Variants in ZNF500 observed in about 807,000 individuals in gnomAD.
ZNF500 encodes zinc finger protein with KRAB and SCAN domains 18.
In ZNF500, 31 loss-of-function variants were observed where a neutral mutation model predicts 30.1. That is an observed-to-expected ratio of 1.03 (90% CI 0.77 to 1.39). The LOEUF is 1.39. ZNF500 is among the 40% of genes most tolerant of loss of function. The probability of loss-of-function intolerance (pLI) is 0.00; values close to 1 mark genes in which losing one functional copy is unlikely to be tolerated. For missense variants in ZNF500, 817 were observed against 657.8 expected (o/e 1.24, Z -2.65); for synonymous variants, 392 against 282.0 (o/e 1.39, Z -3.91).
downstream of ZNF500, chr16:4,746,376 T>C (rs781464152): frequency 6.2e-7 from 1 of 1,610,802 alleles, no homozygotes; most frequent in Non-Finnish European, 8.5e-7. Context: ...TCATTTCAGA[T>C]GTGCCTCAAG....
chr16:4,752,367 GC>G lies in ZNF500; in HGVS notation c.*8del. 1.4e-6 allele frequency: 2 copies of G among 1,477,574 alleles called. No homozygotes were observed. The highest frequency in any genetic ancestry group is 1.8e-6 in the Non-Finnish European group (2 of 1,117,264). The allele number at this position is 1,477,574 out of a possible 1,614,324, so 91.5% of individuals were successfully genotyped here. ...GAGAGTCCTGGAAAGGGAGTTTCAG[GC>G]CTGGTGATCAGGCTTTGGCACCGGG... On this transcript the variant is annotated 3_prime_UTR_variant, in exon 6 of 6. Coordinates refer to ENST00000219478, the MANE Select transcript of ZNF500 (RefSeq NM_021646.4).
chr16:4,762,794 A>C, intron 2 of ZNF500, 38 bp from the exon 3 acceptor site: 4 of 1,542,960 alleles, frequency 2.6e-6, no homozygotes, highest in Non-Finnish European at 3.5e-6. Context: ...AGCTCCCAGA[A>C]GGCCAGAAGG....
In ZNF500 at chr16:4,752,838, G is replaced by GC. The variant is rs2082098355; in HGVS notation, c.980dup (p.Cys327TrpfsTer37). ...TGCTGAAGCCTTTGCCACATTCGGG[G>GC]CAGGTGTACGGCTTGTCAGCCCCAT... On this transcript the variant is annotated frameshift_variant, in exon 6 of 6. Transcript: ENST00000219478. LOFTEE classifies it low-confidence loss of function (END_TRUNC). 1 of 1,614,128 alleles carries GC rather than the reference G, an allele frequency of 6.2e-7. No individual in the cohort carries two copies. The highest frequency in any genetic ancestry group is 1.3e-5 in the African/African-American group (1 of 74,956).
rs191011256 is a variant in ZNF500, at chr16:4,762,416, C to A, written c.599-81G>T. ...CGTCCCCTGCACACCAAGGCCCCAA[C>A]AGCCCGGCGGCTGCCCACCCAAGAT... On this transcript the variant is annotated intron_variant, in intron 3 of 5. Transcript: ENST00000219478. The A allele has an allele frequency of 1.6e-4, 240 of 1,529,988 alleles. 2 individuals carry two copies. The African/African-American group carries it at 2.1e-3, about 13-fold the overall frequency. 94.8% of individuals were successfully genotyped at this position (1,529,988 alleles called of 1,614,324 possible).
At chr16:4,759,987 C>A (rs1431233544) in intron 5 of ZNF500, among the ~76,000 whole-genome samples, 1 of 152,108 alleles carries the variant, frequency 6.6e-6, no homozygotes, top group Admixed American at 6.6e-5. Context: ...TGCAGTGAGC[C>A]AAGGTTGTGC....
At position 4,749,769 on chromosome 16, in the gene ZNF500, T is replaced by C. The variant is rs2082061080; in HGVS notation, c.*2607A>G. 1.3e-5 allele frequency: 2 copies of C among 152,234 alleles called. No homozygotes were observed. The highest frequency in any genetic ancestry group is 1.3e-4 in the Admixed American group (2 of 15,262). 9.4% of individuals were successfully genotyped at this position (152,234 alleles called of 1,614,324 possible). A position where few individuals can be genotyped will look rare whatever the true frequency, so the allele number is the denominator to read the frequency against. The stretch of plus-strand genomic sequence containing the variant: ...TGGAGGTTGTGGTGAGCCAAGATCG[T>C]GCCTTGCACTCCAGCCTGGGTAATG... On this transcript the variant is annotated 3_prime_UTR_variant, in exon 6 of 6. Transcript: ENST00000219478.
chr16:4,754,548 C>A (rs1253522449), intron 5 of ZNF500, among the ~76,000 whole-genome samples: 1 of 151,518 alleles, frequency 6.6e-6, no homozygotes, highest in African/African-American at 2.4e-5. Context: ...CCTGTAATCC[C>A]AGCTACTTGG....
chr16:4,760,710 G>A (rs1022911966), intron 4 of ZNF500, 122 bp from the exon 5 acceptor site: 10 of 793,018 alleles, frequency 1.3e-5, no homozygotes, highest in Non-Finnish European at 2.0e-5. Context: ...GCCTGGTGGT[G>A]CAGCTGGTCT....
chr16:4,749,101 G>T lies in ZNF500; in HGVS notation c.*3275C>A. The stretch of plus-strand genomic sequence containing the variant: ...GACAGGCTTCCATAAAGTCCCAGGA[G>T]GTCCCTCCTGTAGGGCACAAGGCCA... On this transcript the variant is annotated 3_prime_UTR_variant, in exon 6 of 6. Coordinates refer to ENST00000219478, the MANE Select transcript of ZNF500 (RefSeq NM_021646.4). The T allele has an allele frequency of 6.5e-6, 1 of 152,780 alleles. No homozygotes were observed. Among genetic ancestry groups the T allele is most frequent in the Non-Finnish European group, 1.5e-5 (1 of 68,252 alleles). The allele number at this position is 152,780 out of a possible 1,614,324, so 9.5% of individuals were successfully genotyped here.
At chr16:4,754,737 T>C (rs2082119283) in intron 5 of ZNF500, among the ~76,000 whole-genome samples, 1 of 152,036 alleles carries the variant, frequency 6.6e-6, no homozygotes, top group Non-Finnish European at 1.5e-5. Flanking sequence ...ATTGGCCTGC[T>C]ATAATAATAT....
intron 5 of ZNF500, among the ~76,000 whole-genome samples, chr16:4,760,005 C>T (rs2082179427): frequency 6.6e-6 from 1 of 152,224 alleles, no homozygotes; most frequent in South Asian, 2.1e-4. Flanking sequence ...TGCCACTGCA[C>T]TCCAGCCTGG....
intron 5 of ZNF500, among the ~76,000 whole-genome samples, chr16:4,757,891 C>T (rs994040859): frequency 2.8e-5 from 4 of 140,454 alleles, no homozygotes; most frequent in African/African-American, 1.1e-4. Flanking sequence ...TGTGAGCCAC[C>T]GCGCCAGCCA....
At position 4,751,995 on chromosome 16, in the gene ZNF500, G is replaced by A; in HGVS notation, c.*381C>T. 1.9e-6 allele frequency: 2 copies of A among 1,035,572 alleles called. No individual in the cohort carries two copies. Among genetic ancestry groups the A allele is most frequent in the Non-Finnish European group, 2.5e-6 (2 of 792,836 alleles). The allele number at this position is 1,035,572 out of a possible 1,614,324, so 64.1% of individuals were successfully genotyped here. ...ACACACAGGAGAGGGGTTGGGACGT[G>A]GGGATGAGGCTGTATGCCAGCAGCC... On this transcript the variant is annotated 3_prime_UTR_variant, in exon 6 of 6. Coordinates refer to ENST00000219478, the MANE Select transcript of ZNF500 (RefSeq NM_021646.4).
At position 4,762,892 on chromosome 16, in the gene ZNF500, GC is replaced by G. The variant is rs1291112814; in HGVS notation, c.415-137del. 6.8e-5 allele frequency: 96 copies of G among 1,416,114 alleles called. No individual in the cohort carries two copies. In the African/African-American group the frequency reaches 1.3e-3, roughly 19 times the overall value. 87.7% of individuals were successfully genotyped at this position (1,416,114 alleles called of 1,614,324 possible). A position where few individuals can be genotyped will look rare whatever the true frequency, so the allele number is the denominator to read the frequency against. ...GGCTGTCTGCAGCCTCCCTCCCTCT[GC>G]CCAGCCGTGTGGCAGTGTTCCCTGC... On this transcript the variant is annotated intron_variant, in intron 2 of 5. Transcript: ENST00000219478.
At chr16:4,764,834 T>A (rs1303621565) in intron 2 of ZNF500, among the ~76,000 whole-genome samples, 2 of 151,484 alleles carry the variant, frequency 1.3e-5, no homozygotes, top group African/African-American at 2.4e-5. Context: ...AGCTATAATT[T>A]AAAAAGCTAC....
intron 5 of ZNF500, among the ~76,000 whole-genome samples, chr16:4,756,947 C>T (rs1244953833): frequency 6.6e-6 from 1 of 151,934 alleles, no homozygotes; most frequent in African/African-American, 2.4e-5. Flanking sequence ...TGTGCTACTG[C>T]ACTCCAACCT....
chr16:4,751,383 C>G lies in ZNF500; in HGVS notation c.*993G>C. On this transcript the variant is annotated 3_prime_UTR_variant, in exon 6 of 6. Coordinates refer to ENST00000219478, the MANE Select transcript of ZNF500 (RefSeq NM_021646.4). ...GAGCAAACGCAGCCCTGGGCCCCGG[C>G]CCTGGGGAGATGTCAGGCCCGTCAC... The G allele has an allele frequency of 1.7e-6, 1 of 581,398 alleles. No individual in the cohort carries two copies. Among genetic ancestry groups the G allele is most frequent in the Non-Finnish European group, 3.0e-6 (1 of 334,216 alleles). 36.0% of individuals were successfully genotyped at this position (581,398 alleles called of 1,614,324 possible). A position where few individuals can be genotyped will look rare whatever the true frequency, so the allele number is the denominator to read the frequency against.
At chr16:4,746,134 G>A (rs1257726392), downstream of ZNF500, 3 of 448,030 alleles carry the variant, frequency 6.7e-6, no homozygotes, top group East Asian at 1.1e-4. Flanking sequence ...GTGCCAAGTG[G>A]CTACACTTAC....
Position 4,752,545 on chromosome 16 carries a change from C to A in ZNF500, c.1274G>T (p.Ser425Ile), listed in dbSNP as rs1435960334. Residue 425 changes from serine (S) to isoleucine (I), a missense_variant, in exon 6 of 6, where the codon AGC (serine) becomes ATC (isoleucine). By Grantham distance (142) the Ser-to-Ile change is moderately radical. Transcript: ENST00000219478. ...ACCTGTGTGCGTCCGGCGGTGGGCGCTGAAGTGCGAGCTGTTGTTGAAGCG... is the reference window on the plus strand; with the variant it reads ...ACCTGTGTGCGTCCGGCGGTGGGCGATGAAGTGCGAGCTGTTGTTGAAGCG... ...GKRFNNSSHF[S>I]AHRRTHTGEK... is the part of the protein sequence containing the mutation. 1.3e-6 allele frequency: 2 copies of A among 1,569,084 alleles called. No homozygotes were observed. The highest frequency in any genetic ancestry group is 1.7e-6 in the Non-Finnish European group (2 of 1,161,324).
Sources: gnomAD v4.1 joint callset for allele counts (sites outside exome capture counted in the v4.1 genomes callset) on GRCh38, gnomAD v4.1.1 for gene constraint, MANE v1.5 for transcripts, NCBI Gene and HGNC (gene_info 2026-07-23, HGNC 2026-07-21) for gene names.